Variants in WDR27 observed in about 807,000 individuals in gnomAD.
WDR27 encodes WD repeat-containing protein 27.
In WDR27, 100 loss-of-function variants were observed where a neutral mutation model predicts 114.4. The ratio of observed to expected loss-of-function variants is 0.87; its 90% CI spans 0.74 to 1.03. WDR27 has a LOEUF of 1.03. Among genes scored for constraint, WDR27 ranks in the 50% least tolerant of loss-of-function variants. WDR27 has a pLI of 0.00. For missense variants in WDR27, 1,129 were observed against 1,092.9 expected (o/e 1.03, Z -0.47); for synonymous variants, 449 against 423.1 (o/e 1.06, Z -0.75).
chr6:169,552,665 C>A lies in WDR27; in HGVS notation c.2645+19754G>T, dbSNP rs77660067. ...CTTGCTCTAAATTGATCAACTGCCTCCCTGGAACCTAATTTATTGTGATGT... is the reference window on the plus strand; with the variant it reads ...CTTGCTCTAAATTGATCAACTGCCTACCTGGAACCTAATTTATTGTGATGT... On this transcript the variant is annotated intron_variant, in intron 25 of 25. Transcript: ENST00000448612. Among the ~76,000 whole-genome samples, 1,087 of 152,294 alleles carry A rather than the reference C, an allele frequency of 7.1e-3. 24 individuals carry two copies. Among genetic ancestry groups the A allele is most frequent in the African/African-American group, 0.025 (1,053 of 41,558 alleles).
At chr6:169,605,215 C>A (rs534636093) in intron 22 of WDR27, among the ~76,000 whole-genome samples, 1 of 147,468 alleles carries the variant, frequency 6.8e-6, no homozygotes, top group Non-Finnish European at 1.5e-5. Context: ...TCTAGAAAAA[C>A]CTAAAGACTC....
chr6:169,633,073 G>A lies in WDR27; in HGVS notation c.2102-5C>T, dbSNP rs753299165. 1.1e-5 allele frequency: 18 copies of A among 1,574,564 alleles called. No homozygotes were observed. Among genetic ancestry groups the A allele is most frequent in the Admixed American group, 1.0e-4 (6 of 59,234 alleles). On this transcript the variant is annotated splice_region_variant and splice_polypyrimidine_tract_variant and intron_variant, in intron 20 of 25. Coordinates refer to ENST00000448612, the MANE Select transcript of WDR27 (RefSeq NM_182552.5). ...GGCCAGCTGCGAGTACGATGTCTGC[G>A]ATAATCCAGTTAGGGAGCTCTTCTC...
the WDR27 span, among the ~76,000 whole-genome samples, chr6:169,441,903 T>C: frequency 2.0e-5 from 3 of 147,980 alleles, no homozygotes; most frequent in Non-Finnish European, 4.4e-5. Context: ...ACAATACTCA[T>C]ATGCCACCTC....
chr6:169,651,810 T>C, intron 14 of WDR27, 120 bp downstream of exon 14: 1 of 820,666 alleles, frequency 1.2e-6, no homozygotes, highest in Non-Finnish European at 1.9e-6. Flanking sequence ...CTGTTTCTAT[T>C]GCTATGTCCT....
At chr6:169,604,020 AT>A (rs1331610207) in intron 22 of WDR27, among the ~76,000 whole-genome samples, 6 of 152,238 alleles carry the variant, frequency 3.9e-5, no homozygotes, top group Non-Finnish European at 8.8e-5. Context: ...GAAAGATCAA[AT>A]TAACAACCTA....
At chr6:169,550,108 CA>C (rs1411941739) in intron 25 of WDR27, among the ~76,000 whole-genome samples, 2 of 152,124 alleles carry the variant, frequency 1.3e-5, no homozygotes, top group Non-Finnish European at 2.9e-5. Flanking sequence ...AAGATAGGGA[CA>C]GGGGGCCAGG....
intron 25 of WDR27, among the ~76,000 whole-genome samples, chr6:169,529,707 A>G (rs1480177173): frequency 6.6e-6 from 1 of 152,258 alleles, no homozygotes. Context: ...AATATCTATT[A>G]GAATACTATA....
At chr6:169,573,014 CAG>C (rs887263809) in intron 24 of WDR27, among the ~76,000 whole-genome samples, 1 of 113,260 alleles carries the variant, frequency 8.8e-6, no homozygotes, top group African/African-American at 2.5e-5. Flanking sequence ...GCCCCCAAAA[CAG>C]AGCCGTCCCC....
rs1816812912 is a variant in WDR27, at chr6:169,633,080, CA to C, written c.2102-13del. On this transcript the variant is annotated splice_polypyrimidine_tract_variant and intron_variant, in intron 20 of 25. Transcript: ENST00000448612. ...TGCGAGTACGATGTCTGCGATAATCCAGTTAGGGAGCTCTTCTCAACACTCT... is the reference window on the plus strand; with the variant it reads ...TGCGAGTACGATGTCTGCGATAATCCGTTAGGGAGCTCTTCTCAACACTCT... The C allele has an allele frequency of 6.4e-7, 1 of 1,572,120 alleles. No homozygotes were observed.
At chr6:169,516,508 G>A (rs1032593974) in intron 25 of WDR27, among the ~76,000 whole-genome samples, 2 of 152,028 alleles carry the variant, frequency 1.3e-5, no homozygotes, top group Non-Finnish European at 2.9e-5. Flanking sequence ...TGGGCGGTGG[G>A]GACATTTGTC....
chr6:169,546,515 A>T (rs1483004515), intron 25 of WDR27, among the ~76,000 whole-genome samples: 1 of 152,176 alleles, frequency 6.6e-6, no homozygotes, highest in East Asian at 1.9e-4. Context: ...GTGTATCCAC[A>T]GTCTCCTCAG....
Position 169,668,121 on chromosome 6 carries a change from G to C in WDR27, c.521C>G (p.Pro174Arg), listed in dbSNP as rs777371731. The change falls in exon 5 of 26, where the codon CCG becomes CGG. Residue 174 changes from proline to arginine, a missense_variant. By Grantham distance (103) the Pro-to-Arg change is moderately radical. Transcript: ENST00000448612. ...DVNNRHKVPP[P>R]TFLHTFSQTQ... is the part of the protein sequence containing the mutation. The stretch of plus-strand genomic sequence containing the variant: ...CTGAGAGAATGTGTGCAGGAAGGTC[G>C]GTGGTGGGACTTTGTGGCGGTTATT... 6.2e-7 allele frequency: 1 copy of C among 1,614,028 alleles called. No homozygotes were observed. Among genetic ancestry groups the C allele is most frequent in the Non-Finnish European group, 8.5e-7 (1 of 1,179,890 alleles).
At chr6:169,506,362 C>G (rs1021828735) in intron 25 of WDR27, among the ~76,000 whole-genome samples, 1 of 152,108 alleles carries the variant, frequency 6.6e-6, no homozygotes, top group Non-Finnish European at 1.5e-5. Context: ...CTGTTACATG[C>G]TGACAGAACT....
the WDR27 span, among the ~76,000 whole-genome samples, chr6:169,436,997 A>G: frequency 6.6e-6 from 1 of 152,172 alleles, no homozygotes; most frequent in African/African-American, 2.4e-5. Flanking sequence ...TCTAATTAAT[A>G]TATGTAGTTC....
At chr6:169,660,014 A>G (rs1051874368) in intron 10 of WDR27, among the ~76,000 whole-genome samples, 1 of 151,882 alleles carries the variant, frequency 6.6e-6, no homozygotes, top group Non-Finnish European at 1.5e-5. Flanking sequence ...GTTCAGGGCT[A>G]GAAAGGAGGC....
At chr6:169,448,944 T>G in the WDR27 span, among the ~76,000 whole-genome samples, 1 of 152,040 alleles carries the variant, frequency 6.6e-6, no homozygotes, top group African/African-American at 2.4e-5. Context: ...CCCTCCAAAA[T>G]CTCTTCCACC....
At chr6:169,667,271 T>C (rs1828115008) in intron 5 of WDR27, 84 bp from the exon 6 acceptor site, 1 of 1,325,408 alleles carries the variant, frequency 7.5e-7, no homozygotes. Flanking sequence ...CTATTCACTA[T>C]CAGATTAGTC....
intron 23 of WDR27, among the ~76,000 whole-genome samples, chr6:169,584,523 C>G (rs183911923): frequency 6.6e-6 from 1 of 152,304 alleles, no homozygotes; most frequent in East Asian, 1.9e-4. Flanking sequence ...TACATTCCCA[C>G]CAACAGTGCA....
At chr6:169,612,227 C>G (rs1562693617) in intron 22 of WDR27, among the ~76,000 whole-genome samples, 1 of 150,174 alleles carries the variant, frequency 6.7e-6, no homozygotes, top group East Asian at 2.0e-4. Context: ...GTCAGGAGAT[C>G]GAGACCACGG....
Sources: allele counts gnomAD v4.1 joint callset (sites outside exome capture counted in the v4.1 genomes callset), GRCh38; gene constraint gnomAD v4.1.1; transcripts MANE v1.5; gene names NCBI Gene and HGNC (gene_info 2026-07-23, HGNC 2026-07-21).